SRGAP1: variants seen among roughly 807,000 people sequenced by gnomAD.
SRGAP1 encodes SLIT-ROBO Rho GTPase-activating protein 1.
SRGAP1 carries 43 observed loss-of-function variants against 121.9 expected under a neutral mutation model. The observed-to-expected ratio is 0.35, with a 90% CI of 0.28 to 0.46. SRGAP1 has a LOEUF of 0.46. Ranked by LOEUF, SRGAP1 falls within the 20% of genes least tolerant of loss-of-function variation. The pLI is 1.00. For synonymous variants in SRGAP1, 447 were observed against 485.4 expected (o/e 0.92, Z 1.04); for missense variants, 1,102 against 1,350.9 (o/e 0.82, Z 2.89).
chr12:64,009,526 C>T (rs796764559), intron 3 of SRGAP1, among the ~76,000 whole-genome samples: 24 of 152,240 alleles, frequency 1.6e-4, no homozygotes, highest in African/African-American at 5.5e-4. Context: ...TGACTATGCA[C>T]CTTTCAAATT....
intron 1 of SRGAP1, among the ~76,000 whole-genome samples, chr12:63,923,179 C>G (rs1207287894): frequency 3.9e-5 from 6 of 152,192 alleles, no homozygotes; most frequent in Admixed American, 6.5e-5. Context: ...ACCCTACCAG[C>G]CTTTTCTTAT....
rs974455475 is a variant in SRGAP1 at position 64,149,051 on chromosome 12, T to C, written c.*6379T>C. 6.6e-6 allele frequency: 1 copy of C among 152,264 alleles called. No homozygotes were observed. Among genetic ancestry groups the C allele is most frequent in the Non-Finnish European group, 1.5e-5 (1 of 68,048 alleles). 9.4% of individuals were successfully genotyped at this position (152,264 alleles called of 1,614,324 possible). A position where few individuals can be genotyped will look rare whatever the true frequency, so the allele number is the denominator to read the frequency against. On this transcript the variant is annotated 3_prime_UTR_variant, in exon 22 of 22. Coordinates refer to ENST00000355086, the MANE Select transcript of SRGAP1 (RefSeq NM_020762.4). The stretch of plus-strand genomic sequence containing the variant: ...AAAATAGTGGTTTTTCCATTTTTAC[T>C]GCTATATAGAATTCCATTACATGAA...
intron 11 of SRGAP1, among the ~76,000 whole-genome samples, chr12:64,089,230 C>T (rs1327982878): frequency 6.6e-6 from 1 of 152,188 alleles, no homozygotes; most frequent in Non-Finnish European, 1.5e-5. Context: ...TATAGGACAA[C>T]TTAGGGATAG....
chr12:64,099,305 C>T (rs576752853), intron 15 of SRGAP1, among the ~76,000 whole-genome samples: 25 of 152,256 alleles, frequency 1.6e-4, no homozygotes, highest in Middle Eastern at 6.8e-3. Context: ...GTGCCTGGCA[C>T]AGAATATGCT....
chr12:63,873,678 TA>T (rs1444432830), intron 1 of SRGAP1, among the ~76,000 whole-genome samples: 1 of 152,016 alleles, frequency 6.6e-6, no homozygotes, highest in Non-Finnish European at 1.5e-5. Flanking sequence ...TTTATTTATT[TA>T]TTTTTTTGAG....
rs763042813 is a variant in SRGAP1 at position 64,127,933 on chromosome 12, C to T, written c.2613C>T (p.Leu871=). The change falls in exon 21 of 22, where the codon CTC becomes CTT. Residue 871 remains leucine (L), a synonymous_variant. Coordinates refer to ENST00000355086, the MANE Select transcript of SRGAP1 (RefSeq NM_020762.4). ...PGRTSDGHCP[L]HPPHALSNSS... Reference sequence around the variant, plus strand: ...GGACCAGTGATGGCCATTGCCCGCTCCACCCTCCACATGCCCTTTCTAACT... The same window carrying T: ...GGACCAGTGATGGCCATTGCCCGCTTCACCCTCCACATGCCCTTTCTAACT... The T allele has an allele frequency of 1.9e-6, 3 of 1,614,216 alleles. No homozygotes were observed. Among genetic ancestry groups the T allele is most frequent in the Non-Finnish European group, 2.5e-6 (3 of 1,180,032 alleles).
chr12:63,862,514 C>T (rs151337312), intron 1 of SRGAP1, among the ~76,000 whole-genome samples: 64 of 152,340 alleles, frequency 4.2e-4, no homozygotes, highest in African/African-American at 1.4e-3. Flanking sequence ...GCGGCTTATG[C>T]AAACAGCTCC....
chr12:63,969,054 C>G (rs963900783), intron 1 of SRGAP1, among the ~76,000 whole-genome samples: 1 of 152,144 alleles, frequency 6.6e-6, no homozygotes, highest in Non-Finnish European at 1.5e-5. Context: ...AGCTTTTGGT[C>G]TTCTTGAATT....
chr12:64,103,931 C>T (rs758293854), intron 15 of SRGAP1, among the ~76,000 whole-genome samples: 2 of 152,170 alleles, frequency 1.3e-5, no homozygotes, highest in Non-Finnish European at 2.9e-5. Context: ...GAAACTGATA[C>T]ATTCATCTTG....
intron 6 of SRGAP1, among the ~76,000 whole-genome samples, chr12:64,059,716 A>C (rs2035410819): frequency 1.3e-5 from 2 of 152,124 alleles, no homozygotes; most frequent in African/African-American, 4.8e-5. Flanking sequence ...AAACCGCTCC[A>C]CACAACCATT....
At chr12:64,073,292 G>A (rs1211726594) in intron 8 of SRGAP1, among the ~76,000 whole-genome samples, 1 of 152,146 alleles carries the variant, frequency 6.6e-6, no homozygotes, top group Non-Finnish European at 1.5e-5. Flanking sequence ...AAGAAAAATG[G>A]TGTTGTTGAT....
intron 3 of SRGAP1, among the ~76,000 whole-genome samples, chr12:63,991,936 T>C (rs1179216628): frequency 1.3e-5 from 2 of 152,190 alleles, no homozygotes; most frequent in Admixed American, 1.3e-4. Context: ...GTTACTACGC[T>C]AAATGGAACT....
chr12:63,851,425 T>A lies in SRGAP1; in HGVS notation c.67+6542T>A, dbSNP rs923533298. 4.6e-5 allele frequency among the ~76,000 whole-genome samples: 7 copies of A among 152,132 alleles called. No individual in the cohort carries two copies. In the East Asian group the frequency reaches 1.4e-3, roughly 29 times the overall value. Reference sequence around the variant, plus strand: ...CTGGTCAACATGGCGAGACACCATCTCTAATTTTTAAAAAATAAATAAATA... The same window carrying A: ...CTGGTCAACATGGCGAGACACCATCACTAATTTTTAAAAAATAAATAAATA... On this transcript the variant is annotated intron_variant, in intron 1 of 21. Transcript: ENST00000355086.
intron 1 of SRGAP1, among the ~76,000 whole-genome samples, chr12:63,872,385 C>G (rs984680809): frequency 6.6e-6 from 1 of 152,190 alleles, no homozygotes; most frequent in Non-Finnish European, 1.5e-5. Flanking sequence ...ATTTAAGTTT[C>G]TCTTTGCTTA....
chr12:63,958,963 C>T (rs983662696), intron 1 of SRGAP1, among the ~76,000 whole-genome samples: 5 of 152,052 alleles, frequency 3.3e-5, no homozygotes, highest in African/African-American at 1.2e-4. Context: ...ATGTCTTGCT[C>T]CAGGGAGGTA....
intron 1 of SRGAP1, among the ~76,000 whole-genome samples, chr12:63,911,572 A>G (rs2030507601): frequency 6.6e-6 from 1 of 152,190 alleles, no homozygotes; most frequent in Admixed American, 6.5e-5. Flanking sequence ...TAAACTCTTA[A>G]CATTCCTGAC....
chr12:64,042,351 A>T (rs1397736620), intron 4 of SRGAP1, among the ~76,000 whole-genome samples: 1 of 152,148 alleles, frequency 6.6e-6, no homozygotes, highest in African/African-American at 2.4e-5. Context: ...TACATTTTTT[A>T]CTTTGAAAAA....
chr12:63,866,337 C>G (rs1470394552), intron 1 of SRGAP1, among the ~76,000 whole-genome samples: 1 of 152,172 alleles, frequency 6.6e-6, no homozygotes, highest in African/African-American at 2.4e-5. Context: ...GTCCCTGGGC[C>G]AAATGTGTTG....
chr12:64,024,120 C>T (rs6421210), intron 4 of SRGAP1, among the ~76,000 whole-genome samples: 76,731 of 152,076 alleles, frequency 0.5, 21,692 homozygotes, highest in African/African-American at 0.77. Flanking sequence ...CAAATGACTT[C>T]GTGTAATCGG....
Sources: allele counts gnomAD v4.1 joint callset (sites outside exome capture counted in the v4.1 genomes callset), GRCh38; gene constraint gnomAD v4.1.1; transcripts MANE v1.5; gene names NCBI Gene and HGNC (gene_info 2026-07-23, HGNC 2026-07-21).